COL4A2: variants seen among roughly 807,000 people sequenced by gnomAD.
The protein encoded by COL4A2 is collagen alpha-2(IV) chain.
A neutral mutation model predicts 200.2 loss-of-function variants in COL4A2; 99 were observed. The ratio of observed to expected loss-of-function variants is 0.49; its 90% CI spans 0.42 to 0.58. The LOEUF is 0.58. Ranked by LOEUF, COL4A2 falls within the 20% of genes least tolerant of loss-of-function variation. COL4A2 has a pLI of 0.00. For missense variants in COL4A2, 1,950 were observed against 2,314.1 expected (o/e 0.84, Z 3.23); for synonymous variants, 897 against 900.6 (o/e 1.00, Z 0.07).
At chr13:110,358,031 G>A (rs927125799) in intron 4 of COL4A2, among the ~76,000 whole-genome samples, 3 of 152,110 alleles carry the variant, frequency 2.0e-5, no homozygotes, top group African/African-American at 7.2e-5. Context: ...TCTTTCTTCA[G>A]TAATAAATTA....
Position 110,508,451 on chromosome 13 carries a change from C to A in COL4A2, c.4881+230C>A, listed in dbSNP as rs1008102498. ...CCAGAAAGGGCTCATTAATTTGCCA[C>A]CAGGCCTTTGTAAGGAGTGTAACCA... On this transcript the variant is annotated intron_variant, in intron 47 of 47. Transcript: ENST00000360467. This position sits in a 1 kb window ranked among gnomAD's most constrained non-coding sequence, Gnocchi z 6.1. 1.5e-6 allele frequency: 1 copy of A among 677,354 alleles called. No individual in the cohort carries two copies. Among genetic ancestry groups the A allele is most frequent in the East Asian group, 2.8e-5 (1 of 35,904 alleles). 42.0% of individuals were successfully genotyped at this position (677,354 alleles called of 1,614,324 possible). A position where few individuals can be genotyped will look rare whatever the true frequency, so the allele number is the denominator to read the frequency against.
intron 4 of COL4A2, among the ~76,000 whole-genome samples, chr13:110,371,605 T>G (rs1410964124): frequency 6.6e-6 from 1 of 152,162 alleles, no homozygotes. Flanking sequence ...TTTTTAAAAT[T>G]TATCATGTTT....
At chr13:110,481,322 A>AGACACACTGCTCTGTCCCTCCG (rs1882904761) in intron 31 of COL4A2, among the ~76,000 whole-genome samples, 1 of 2,532 alleles carries the variant, frequency 3.9e-4, no homozygotes, top group Admixed American at 6.1e-3. Context: ...CTGTCCCTCC[A>AGACACACTGCTCTGTCCCTCCG]TTGCTGGAGA....
At chr13:110,322,780 T>C (rs543894686) in intron 3 of COL4A2, among the ~76,000 whole-genome samples, 4 of 152,318 alleles carry the variant, frequency 2.6e-5, no homozygotes, top group Non-Finnish European at 1.5e-5. Context: ...CATCACCAGG[T>C]CCTCCCACAG....
At chr13:110,435,032 A>G (rs556076407) in intron 12 of COL4A2, among the ~76,000 whole-genome samples, 3 of 152,360 alleles carry the variant, frequency 2.0e-5, no homozygotes, top group East Asian at 1.9e-4. Context: ...CACAAAAGCC[A>G]TGAGCCCACT....
At chr13:110,365,194 C>T (rs568830580) in intron 4 of COL4A2, among the ~76,000 whole-genome samples, 90 of 152,086 alleles carry the variant, frequency 5.9e-4, no homozygotes, top group African/African-American at 2.0e-3. Context: ...TGGGCTGGAC[C>T]GCAGTGGCGC....
chr13:110,354,067 G>C (rs959701829), intron 3 of COL4A2, among the ~76,000 whole-genome samples: 2 of 152,184 alleles, frequency 1.3e-5, no homozygotes, highest in African/African-American at 4.8e-5. Flanking sequence ...AGATCAATTT[G>C]AAACCATTCA....
In COL4A2 at chr13:110,445,817, T is replaced by A. The variant is rs769495793; in HGVS notation, c.958-12T>A. On this transcript the variant is annotated splice_polypyrimidine_tract_variant and intron_variant, in intron 16 of 47. Transcript: ENST00000360467. Reference sequence around the variant, plus strand: ...CAGAGACAAAAATTAAAAGCAAATATCTTTCTTGCAGGGAAGCCGAGGCCT... The same window carrying A: ...CAGAGACAAAAATTAAAAGCAAATAACTTTCTTGCAGGGAAGCCGAGGCCT... 1.9e-6 allele frequency: 3 copies of A among 1,614,134 alleles called. No homozygotes were observed. The South Asian group carries it at 3.3e-5, about 18-fold the overall frequency.
chr13:110,494,929 T>C (rs1456698244), intron 39 of COL4A2, among the ~76,000 whole-genome samples: 2 of 152,240 alleles, frequency 1.3e-5, no homozygotes, highest in Non-Finnish European at 2.9e-5. Context: ...CAAGTTGTCT[T>C]GCTGTTTCCT....
At chr13:110,435,033 T>C (rs1880820894) in intron 12 of COL4A2, among the ~76,000 whole-genome samples, 1 of 152,256 alleles carries the variant, frequency 6.6e-6, no homozygotes, top group Non-Finnish European at 1.5e-5. Context: ...ACAAAAGCCA[T>C]GAGCCCACTG....
chr13:110,423,865 A>G (rs983342385), intron 4 of COL4A2, among the ~76,000 whole-genome samples: 3 of 152,172 alleles, frequency 2.0e-5, no homozygotes, highest in South Asian at 2.1e-4. Flanking sequence ...AGAGTCCTCA[A>G]GGTTCTTCCG....
At chr13:110,473,226 C>T (rs772268628) in intron 29 of COL4A2, 76 bp downstream of exon 29, 293 of 1,389,994 alleles carry the variant, frequency 2.1e-4, no homozygotes, top group Non-Finnish European at 2.7e-4. Context: ...CAATCCCTTC[C>T]GGGGGATTTG....
chr13:110,339,313 G>A (rs991387198), intron 3 of COL4A2, among the ~76,000 whole-genome samples: 1 of 152,228 alleles, frequency 6.6e-6, no homozygotes, highest in Non-Finnish European at 1.5e-5. Flanking sequence ...CAATAGCATC[G>A]TGATGAGATT....
intron 3 of COL4A2, among the ~76,000 whole-genome samples, chr13:110,351,169 C>T (rs1426862186): frequency 2.6e-5 from 4 of 152,206 alleles, no homozygotes. Context: ...CCACCCCAGC[C>T]CTCCAAGCAG....
intron 40 of COL4A2, among the ~76,000 whole-genome samples, chr13:110,499,620 G>C (rs1334220421): frequency 6.6e-6 from 1 of 152,212 alleles, no homozygotes; most frequent in Non-Finnish European, 1.5e-5. Flanking sequence ...TCGAGCATCA[G>C]TTCCTGATTT....
intron 32 of COL4A2, among the ~76,000 whole-genome samples, chr13:110,482,992 G>A (rs1882986027): frequency 6.6e-6 from 1 of 152,144 alleles, no homozygotes; most frequent in Admixed American, 6.5e-5. Flanking sequence ...AAAAGCAGGG[G>A]ACAGGTGAGT....
At chr13:110,409,436 G>A (rs2139438516) in intron 4 of COL4A2, among the ~76,000 whole-genome samples, 1 of 152,352 alleles carries the variant, frequency 6.6e-6, no homozygotes, top group South Asian at 2.1e-4. Context: ...TGAACCGCGT[G>A]CATCTTTGGT....
intron 3 of COL4A2, among the ~76,000 whole-genome samples, chr13:110,352,606 T>G (rs1383112825): frequency 2.0e-5 from 3 of 152,214 alleles, no homozygotes; most frequent in South Asian, 4.2e-4. Flanking sequence ...CCCCTTGCCC[T>G]TTGTCATGTT....
intron 4 of COL4A2, among the ~76,000 whole-genome samples, chr13:110,393,354 A>G (rs1471483577): frequency 2.6e-5 from 4 of 152,206 alleles, no homozygotes; most frequent in African/African-American, 4.8e-5. Context: ...AAAGTTTGGA[A>G]TTTATAAATG....
Sources: allele counts gnomAD v4.1 joint callset (sites outside exome capture counted in the v4.1 genomes callset), GRCh38; gene constraint gnomAD v4.1.1; non-coding constraint Gnocchi (gnomAD v3.1); transcripts MANE v1.5; gene names NCBI Gene and HGNC (gene_info 2026-07-23, HGNC 2026-07-21).